Variants in LRRTM3 observed in about 807,000 individuals in gnomAD.
The protein encoded by LRRTM3 is leucine-rich repeat transmembrane neuronal protein 3.
A neutral mutation model predicts 44.7 loss-of-function variants in LRRTM3; 24 were observed. The ratio of observed to expected loss-of-function variants is 0.54; its 90% CI spans 0.39 to 0.76. The LOEUF (loss-of-function observed/expected upper bound fraction) is 0.76. Among genes scored for constraint, LRRTM3 ranks in the 30% least tolerant of loss-of-function variants. LRRTM3 has a pLI of 0.00. For synonymous variants in LRRTM3, 277 were observed against 278.7 expected, an observed-to-expected ratio of 0.99 and a Z score of 0.06; for missense variants, 587 against 702.2, an observed-to-expected ratio of 0.84 and a Z score of 1.85.
chr10:67,086,316 C>T (rs1564881403), intron 2 of LRRTM3, among the ~76,000 whole-genome samples: 1 of 151,976 alleles, frequency 6.6e-6, no homozygotes, highest in African/African-American at 2.4e-5. Flanking sequence ...CTGGCAGATG[C>T]ATACAGAATA....
rs748900350 is a variant in LRRTM3 at position 66,926,170 on chromosome 10, G to T, written c.-414G>T. On this transcript the variant is annotated 5_prime_UTR_variant, in exon 1 of 3. Transcript: ENST00000361320. The stretch of plus-strand genomic sequence containing the variant: ...GGGTGCTCATCACGGGAACTGCTGG[G>T]GTATGGAATACAGATGTGGCAGCTC... 2.2e-6 allele frequency: 1 copy of T among 464,716 alleles called. No homozygotes were observed. The highest frequency in any genetic ancestry group is 4.3e-6 in the Non-Finnish European group (1 of 232,614). The allele number at this position is 464,716 out of a possible 1,614,324, so 28.8% of individuals were successfully genotyped here.
At chr10:66,940,242 A>G (rs1229341842) in intron 2 of LRRTM3, among the ~76,000 whole-genome samples, 1 of 152,098 alleles carries the variant, frequency 6.6e-6, no homozygotes, top group East Asian at 1.9e-4. Context: ...GCTCATGCCT[A>G]TAGGCCCAGC....
intron 2 of LRRTM3, among the ~76,000 whole-genome samples, chr10:66,984,590 TCTC>T (rs1181717934): frequency 5.3e-5 from 8 of 152,178 alleles, no homozygotes; most frequent in Non-Finnish European, 8.8e-5. Flanking sequence ...TCAAAATACT[TCTC>T]AATGCGTTCA....
At chr10:67,018,816 A>G (rs1264761389) in intron 2 of LRRTM3, among the ~76,000 whole-genome samples, 1 of 152,260 alleles carries the variant, frequency 6.6e-6, no homozygotes, top group Non-Finnish European at 1.5e-5. Flanking sequence ...AGTGTTGTGT[A>G]TAAATATTAG....
At chr10:67,037,176 A>C (rs1854111619) in intron 2 of LRRTM3, among the ~76,000 whole-genome samples, 1 of 152,208 alleles carries the variant, frequency 6.6e-6, no homozygotes, top group Admixed American at 6.5e-5. Context: ...ACACATCTCA[A>C]CTAATAGTAA....
At chr10:66,948,053 C>T (rs929685977) in intron 2 of LRRTM3, among the ~76,000 whole-genome samples, 3 of 152,142 alleles carry the variant, frequency 2.0e-5, no homozygotes, top group Non-Finnish European at 2.9e-5. Context: ...TGTGTAGCTA[C>T]GCATATCTAA....
chr10:66,934,619 A>G (rs1755316452), intron 2 of LRRTM3, among the ~76,000 whole-genome samples: 1 of 152,190 alleles, frequency 6.6e-6, no homozygotes, highest in Admixed American at 6.5e-5. Flanking sequence ...ATTAAAGCTT[A>G]CTGTTTTCCT....
intron 2 of LRRTM3, among the ~76,000 whole-genome samples, chr10:67,006,449 T>A (rs760870919): frequency 3.5e-4 from 53 of 152,216 alleles, no homozygotes; most frequent in Middle Eastern, 3.4e-3. Context: ...TTGAAAAGAG[T>A]AATTTTATCT....
intron 2 of LRRTM3, among the ~76,000 whole-genome samples, chr10:66,951,321 G>A (rs913901149): frequency 7.2e-5 from 11 of 151,982 alleles, no homozygotes; most frequent in Admixed American, 3.3e-4. Context: ...TCACCATGTT[G>A]GCCAGGCTGG....
At chr10:66,962,400 T>TTTTTTG (rs1405950965) in intron 2 of LRRTM3, among the ~76,000 whole-genome samples, 2 of 147,966 alleles carry the variant, frequency 1.4e-5, no homozygotes, top group South Asian at 4.2e-4. Context: ...TTTTGTTTTG[T>TTTTTTG]TTTTTGTTTT....
chr10:67,100,778 C>T lies in LRRTM3; in HGVS notation c.*2982C>T, dbSNP rs1413831284. ...TTATCTCATTTTGTCTTCATAACAA[C>T]CCTATGAAGACACATTAATCTCAAA... is the stretch of plus-strand genomic sequence containing the variant. On this transcript the variant is annotated 3_prime_UTR_variant, in exon 3 of 3. Transcript: ENST00000361320. Among the ~76,000 whole-genome samples the T allele has an allele frequency of 6.6e-6, 1 of 151,644 alleles. No individual in the cohort carries two copies. Among genetic ancestry groups the T allele is most frequent in the East Asian group, 1.9e-4 (1 of 5,152 alleles).
intron 2 of LRRTM3, among the ~76,000 whole-genome samples, chr10:67,045,374 C>T (rs899522692): frequency 3.3e-5 from 5 of 152,058 alleles, no homozygotes; most frequent in African/African-American, 1.2e-4. Context: ...CAAATACCTC[C>T]ATTTTTTAAA....
At chr10:67,065,909 G>A (rs1856041830) in intron 2 of LRRTM3, among the ~76,000 whole-genome samples, 1 of 146,550 alleles carries the variant, frequency 6.8e-6, no homozygotes, top group Admixed American at 6.9e-5. Context: ...GTGTGAAAAG[G>A]AAATACCACC....
At chr10:66,954,112 TA>T (rs1239515533) in intron 2 of LRRTM3, among the ~76,000 whole-genome samples, 3 of 152,222 alleles carry the variant, frequency 2.0e-5, no homozygotes, top group African/African-American at 7.2e-5. Context: ...ATGCCTCTAC[TA>T]GTCAGTAAAT....
chr10:66,989,316 A>G (rs989436412), intron 2 of LRRTM3, among the ~76,000 whole-genome samples: 1 of 152,200 alleles, frequency 6.6e-6, no homozygotes, highest in African/African-American at 2.4e-5. Context: ...ATATATGTCA[A>G]CTTATTCCCT....
rs79107784 is a variant in LRRTM3, at chr10:67,042,886, G to C, written c.1537-54701G>C. Among the ~76,000 whole-genome samples, 38 of 152,122 alleles carry C rather than the reference G, an allele frequency of 2.5e-4. No individual in the cohort carries two copies. The East Asian group carries it at 6.4e-3, about 26-fold the overall frequency. Reference sequence around the variant, plus strand: ...GTAGTTAAAGGGCAATAGACCAGAGGGTTTAACTATATTTCCTGTAACAAA... The same window carrying C: ...GTAGTTAAAGGGCAATAGACCAGAGCGTTTAACTATATTTCCTGTAACAAA... On this transcript the variant is annotated intron_variant, in intron 2 of 2. Coordinates refer to ENST00000361320, the MANE Select transcript of LRRTM3 (RefSeq NM_178011.5).
intron 2 of LRRTM3, among the ~76,000 whole-genome samples, chr10:66,963,147 C>G (rs573828438): frequency 6.6e-6 from 1 of 152,156 alleles, no homozygotes; most frequent in Non-Finnish European, 1.5e-5. Flanking sequence ...AAAGCTAGTA[C>G]TTACAGTATT....
At chr10:67,046,112 GA>G (rs34309255) in intron 2 of LRRTM3, among the ~76,000 whole-genome samples, 1 of 151,890 alleles carries the variant, frequency 6.6e-6, no homozygotes. Context: ...GCTAATCCCA[GA>G]AAAGGCAGTC....
chr10:67,006,605 T>C (rs1852006592), intron 2 of LRRTM3, among the ~76,000 whole-genome samples: 1 of 152,098 alleles, frequency 6.6e-6, no homozygotes, highest in Admixed American at 6.5e-5. Context: ...GATTCAGAAT[T>C]ATGTATTATA....
Sources: allele counts gnomAD v4.1 joint callset (sites outside exome capture counted in the v4.1 genomes callset), GRCh38; gene constraint gnomAD v4.1.1; transcripts MANE v1.5; gene names NCBI Gene and HGNC (gene_info 2026-07-23, HGNC 2026-07-21).